Variants in KRT7 observed in about 807,000 individuals in gnomAD.
KRT7 encodes keratin 7.
In KRT7, 50 loss-of-function variants were observed where a neutral mutation model predicts 42.8. The observed-to-expected ratio is 1.17, with a 90% CI of 0.93 to 1.48. The LOEUF (loss-of-function observed/expected upper bound fraction) is 1.48. KRT7 is among the 40% of genes most tolerant of loss of function. The pLI is 0.00. For missense variants in KRT7, 588 were observed against 637.6 expected (o/e 0.92, Z 0.84); for synonymous variants, 268 against 266.3 (o/e 1.01, Z -0.06).
Position 52,245,470 on chromosome 12 carries a change from AGGAT to A in KRT7, c.1045_1048del (p.Asp349LeufsTer30). ...GAGGAGCGTGGGGAGCTGGCGCTCA[AGGAT>A]GCTCGTGCCAAGCAGGAGGAGCTGG... On this transcript the variant is annotated frameshift_variant, in exon 7 of 9. Transcript: ENST00000331817. LOFTEE classifies it high-confidence loss of function. 1 of 1,614,060 alleles carries A rather than the reference AGGAT, an allele frequency of 6.2e-7. No individual in the cohort carries two copies. Among genetic ancestry groups the A allele is most frequent in the Admixed American group, 1.7e-5 (1 of 60,004 alleles).
chr12:52,237,727 TGTG>T, intron 3 of KRT7, 158 bp downstream of exon 3: 7 of 100,038 alleles, frequency 7.0e-5, no homozygotes, highest in African/African-American at 4.2e-4. Context: ...GGTGCGTGTA[TGTG>T]TGTGTGTGTG....
chr12:52,251,574 A>T (rs1942267189), downstream of KRT7, among the ~76,000 whole-genome samples: 2 of 152,366 alleles, frequency 1.3e-5, no homozygotes, highest in Non-Finnish European at 2.9e-5. Context: ...TGAAGACTAA[A>T]GGCAACTGTA....
chr12:52,235,272 C>T lies in KRT7; in HGVS notation c.442C>T (p.Leu148Phe), dbSNP rs370233225. 89 of 1,614,188 alleles carry T rather than the reference C, an allele frequency of 5.5e-5. No individual in the cohort carries two copies. Among genetic ancestry groups the T allele is most frequent in the Non-Finnish European group, 7.5e-5 (88 of 1,180,014 alleles). The part of the protein sequence containing the change: ...PDIFEAQIAG[L>F]RGQLEALQVD... ...CATCTTTGAGGCCCAGATTGCTGGC[C>T]TTCGGGGTCAGCTTGAGGCACTGCA... Residue 148 changes from leucine (L) to phenylalanine (F), a missense_variant, in exon 2 of 9, where the codon CTT becomes TTT. Physicochemically the swap from Leu to Phe is conservative, Grantham distance 22. Coordinates refer to ENST00000331817, the MANE Select transcript of KRT7 (RefSeq NM_005556.4).
chr12:52,243,165 G>C, intron 6 of KRT7, 28 bp downstream of exon 6: 1 of 1,596,200 alleles, frequency 6.3e-7, no homozygotes, highest in South Asian at 1.1e-5. Flanking sequence ...GGCTTCCCCT[G>C]CTACTTGGGG....
chr12:52,237,776 C>T (rs1343217226), intron 3 of KRT7: 1 of 402,268 alleles, frequency 2.5e-6, no homozygotes, highest in Non-Finnish European at 4.4e-6. Flanking sequence ...ACTGATTAGA[C>T]TCATTTCTAG....
At chr12:52,252,359 G>A (rs769623306), downstream of KRT7, 11 of 1,613,976 alleles carry the variant, frequency 6.8e-6, no homozygotes, top group Non-Finnish European at 9.3e-6. Flanking sequence ...TGATCAGGCA[G>A]GCCATGTCCT....
intron 4 of KRT7, among the ~76,000 whole-genome samples, chr12:52,240,880 T>G (rs934390374): frequency 2.6e-5 from 4 of 152,060 alleles, no homozygotes. Context: ...CCCATCAACT[T>G]GTCATTTACA....
chr12:52,233,624 A>G lies in KRT7; in HGVS notation c.324+4A>G. On this transcript the variant is annotated splice_donor_region_variant and intron_variant, in intron 1 of 8. Transcript: ENST00000331817. Reference sequence around the variant, plus strand: ...GTTTGCCTCCTTCATCGACAAGGTGAGCGGGACTGGACCTCGCCTCTCCTC... The same window carrying G: ...GTTTGCCTCCTTCATCGACAAGGTGGGCGGGACTGGACCTCGCCTCTCCTC... The G allele has an allele frequency of 6.2e-7, 1 of 1,612,034 alleles. No individual in the cohort carries two copies. Among genetic ancestry groups the G allele is most frequent in the Non-Finnish European group, 8.5e-7 (1 of 1,179,448 alleles).
rs924731810 is a variant in KRT7 at position 52,248,485 on chromosome 12, G to A, written c.1241-106G>A. Reference sequence around the variant, plus strand: ...GGTTGGCCCATGGAGGGGGGCAGGGGTGAGGGAGAGGGGCAGCTGGGGCAG... The same window carrying A: ...GGTTGGCCCATGGAGGGGGGCAGGGATGAGGGAGAGGGGCAGCTGGGGCAG... On this transcript the variant is annotated intron_variant, in intron 8 of 8. Coordinates refer to ENST00000331817, the MANE Select transcript of KRT7 (RefSeq NM_005556.4). 4.1e-6 allele frequency: 5 copies of A among 1,230,684 alleles called. No homozygotes were observed. In the African/African-American group the frequency reaches 6.0e-5, roughly 15 times the overall value. 76.2% of individuals were successfully genotyped at this position (1,230,684 alleles called of 1,614,324 possible). A position where few individuals can be genotyped will look rare whatever the true frequency, so the allele number is the denominator to read the frequency against.
chr12:52,254,430 A>G, downstream of KRT7: 1 of 575,206 alleles, frequency 1.7e-6, no homozygotes, highest in Non-Finnish European at 3.4e-6. Flanking sequence ...TTTTTTTCCT[A>G]CCAGGGAGGG....
In KRT7 at chr12:52,245,439, G is replaced by A. The variant is rs1371259697; in HGVS notation, c.1012G>A (p.Glu338Lys). 6 of 1,613,784 alleles carry A rather than the reference G, an allele frequency of 3.7e-6. No homozygotes were observed. The highest frequency in any genetic ancestry group is 2.2e-5 in the South Asian group (2 of 91,066). Residue 338 changes from glutamate (E) to lysine (K), a missense_variant, in exon 7 of 9, where the codon GAG (glutamate) becomes AAG (lysine). Transcript: ENST00000331817. ...QRAKLEAAIAEAEERGELALK... is the reference protein window; with the variant it reads ...QRAKLEAAIAKAEERGELALK... ...TGCCAAGTTGGAGGCCGCCATTGCC[G>A]AGGCTGAGGAGCGTGGGGAGCTGGC...
intron 2 of KRT7, among the ~76,000 whole-genome samples, chr12:52,236,423 A>C (rs554427556): frequency 1.4e-5 from 2 of 143,104 alleles, no homozygotes; most frequent in South Asian, 4.6e-4. Flanking sequence ...TCTGAGATCC[A>C]GGCTGGGACT....
At chr12:52,255,026 G>C (rs1426948966), downstream of KRT7, among the ~76,000 whole-genome samples, 1 of 152,202 alleles carries the variant, frequency 6.6e-6, no homozygotes, top group African/African-American at 2.4e-5. Flanking sequence ...TATTTACAGG[G>C]TGCCTACTCT....
chr12:52,254,707 G>C (rs572332021), downstream of KRT7, among the ~76,000 whole-genome samples: 2 of 152,098 alleles, frequency 1.3e-5, no homozygotes, highest in African/African-American at 4.8e-5. Flanking sequence ...ACCCCTCTCC[G>C]CTCTGGAATC....
intron 5 of KRT7, 191 bp downstream of exon 5, chr12:52,241,827 G>T: frequency 2.0e-6 from 1 of 505,654 alleles, no homozygotes. Flanking sequence ...AAATAGATAT[G>T]GATTAATCAT....
intron 1 of KRT7, 134 bp downstream of exon 1, chr12:52,233,754 G>A (rs1941960361): frequency 1.1e-6 from 1 of 889,732 alleles, no homozygotes; most frequent in Admixed American, 1.9e-5. Flanking sequence ...CAGTGTTGGG[G>A]ACACGATCTG....
Position 52,245,821 on chromosome 12 carries a change from C to A in KRT7, c.1205+189C>A, listed in dbSNP as rs551886743. On this transcript the variant is annotated intron_variant, in intron 7 of 8. Transcript: ENST00000331817. ...TGAGATGACCTTCTAGAAGGAAAGACCATGGAGTGTGAAGCTCAGTGGGCA... is the reference window on the plus strand; with the variant it reads ...TGAGATGACCTTCTAGAAGGAAAGAACATGGAGTGTGAAGCTCAGTGGGCA... 32 of 718,870 alleles carry A rather than the reference C, an allele frequency of 4.5e-5. No individual in the cohort carries two copies. In the South Asian group the frequency reaches 5.8e-4, roughly 13 times the overall value. 44.5% of individuals were successfully genotyped at this position (718,870 alleles called of 1,614,324 possible).
At position 52,235,606 on chromosome 12, in the gene KRT7, TCAGCC is replaced by T. The variant is rs1404640205; in HGVS notation, c.536+247_536+251del. Among the ~76,000 whole-genome samples, 5 of 152,338 alleles carry T rather than the reference TCAGCC, an allele frequency of 3.3e-5. No individual in the cohort carries two copies. In the East Asian group the frequency reaches 9.6e-4, roughly 29 times the overall value. ...CCTGACTCAGTCCCAGTGAAATGTC[TCAGCC>T]CAGCCCTGACCTGCACTGTCTCCTT... is the stretch of plus-strand genomic sequence containing the variant. On this transcript the variant is annotated intron_variant, in intron 2 of 8. Coordinates refer to ENST00000331817, the MANE Select transcript of KRT7 (RefSeq NM_005556.4).
chr12:52,243,256 G>A, intron 6 of KRT7, 119 bp downstream of exon 6: 1 of 1,190,150 alleles, frequency 8.4e-7, no homozygotes, highest in East Asian at 2.6e-5. Context: ...TGGTGCCACT[G>A]TCTCAGACCC....
Sources: allele counts gnomAD v4.1 joint callset (sites outside exome capture counted in the v4.1 genomes callset), GRCh38; gene constraint gnomAD v4.1.1; transcripts MANE v1.5; gene names NCBI Gene and HGNC (gene_info 2026-07-23, HGNC 2026-07-21).